Variants in ARHGDIB observed in about 807,000 individuals in gnomAD.
The protein encoded by ARHGDIB is rho GDP-dissociation inhibitor 2.
ARHGDIB carries 20 observed loss-of-function variants against 22.6 expected under a neutral mutation model. The ratio of observed to expected loss-of-function variants is 0.88; its 90% CI spans 0.62 to 1.28. ARHGDIB has a LOEUF of 1.28. Ranked by LOEUF, ARHGDIB falls within the 50% of genes most tolerant of loss-of-function variation. ARHGDIB has a pLI of 0.00. For missense variants in ARHGDIB, 254 were observed against 245.4 expected, an observed-to-expected ratio of 1.04 and a Z score of -0.23; for synonymous variants, 114 against 96.1, an observed-to-expected ratio of 1.19 and a Z score of -1.09.
intron 1 of ARHGDIB, among the ~76,000 whole-genome samples, chr12:14,958,087 A>G (rs936733678): frequency 5.9e-5 from 9 of 152,180 alleles, no homozygotes; most frequent in Non-Finnish European, 1.3e-4. Flanking sequence ...GGCCATCTCT[A>G]AAACACTGTT....
At chr12:14,959,140 C>A (rs1372646146) in intron 1 of ARHGDIB, among the ~76,000 whole-genome samples, 2 of 152,144 alleles carry the variant, frequency 1.3e-5, no homozygotes, top group African/African-American at 4.8e-5. Flanking sequence ...AATAATAGGC[C>A]ATGCATGGTG....
Position 14,950,570 on chromosome 12 carries a change from T to C in ARHGDIB, c.143A>G (p.Tyr48Cys), listed in dbSNP as rs1480554458. 1 of 1,613,824 alleles carries C rather than the reference T, an allele frequency of 6.2e-7. No individual in the cohort carries two copies. Among genetic ancestry groups the C allele is most frequent in the African/African-American group, 1.3e-5 (1 of 74,898 alleles). Residue 48 changes from tyrosine (Y) to cysteine (C), a missense_variant, in exon 2 of 6, where the codon TAC (tyrosine) becomes TGC (cysteine). Coordinates refer to ENST00000228945, the MANE Select transcript of ARHGDIB (RefSeq NM_001175.7). ...ACCATCTCCCAGCAGCGTTTTCTTG[T>C]ACTTAATTAGACTCTCATCATCTTT... Reference protein sequence around the residue: ...MDKDDESLIKYKKTLLGDGPV... With the variant: ...MDKDDESLIKCKKTLLGDGPV...
intron 1 of ARHGDIB, among the ~76,000 whole-genome samples, chr12:14,955,569 C>G (rs1220142862): frequency 6.6e-6 from 1 of 152,060 alleles, no homozygotes; most frequent in African/African-American, 2.4e-5. Context: ...TTGTGTGTGG[C>G]AAGAGCACCT....
At chr12:14,957,434 C>T (rs539651482) in intron 1 of ARHGDIB, among the ~76,000 whole-genome samples, 1 of 152,174 alleles carries the variant, frequency 6.6e-6, no homozygotes, top group Non-Finnish European at 1.5e-5. Context: ...TATGTCCCCA[C>T]TCCTTCCTCC....
chr12:14,942,857 AT>A, intron 5 of ARHGDIB, 136 bp from the exon 6 acceptor site: 1 of 751,602 alleles, frequency 1.3e-6, no homozygotes, highest in Non-Finnish European at 2.1e-6. Flanking sequence ...TAAACATTAG[AT>A]TTACCTGAGG....
intron 5 of ARHGDIB, among the ~76,000 whole-genome samples, chr12:14,943,629 G>T (rs997172097): frequency 2.0e-5 from 3 of 151,882 alleles, no homozygotes; most frequent in Non-Finnish European, 2.9e-5. Context: ...GAGAATTCAT[G>T]GATAGAATAA....
chr12:14,959,026 T>C (rs1475688026), intron 1 of ARHGDIB, among the ~76,000 whole-genome samples: 1 of 152,150 alleles, frequency 6.6e-6, no homozygotes, highest in African/African-American at 2.4e-5. Context: ...TCCTAAAGAA[T>C]GTGGGAGATC....
At chr12:14,953,271 G>T (rs1864223282) in intron 1 of ARHGDIB, among the ~76,000 whole-genome samples, 1 of 152,134 alleles carries the variant, frequency 6.6e-6, no homozygotes. Context: ...AAATCATTTG[G>T]TTTAATTATA....
chr12:14,960,575 C>A (rs1864389898), intron 1 of ARHGDIB, among the ~76,000 whole-genome samples: 1 of 152,198 alleles, frequency 6.6e-6, no homozygotes, highest in Non-Finnish European at 1.5e-5. Flanking sequence ...GTGATCTTGG[C>A]TCACTGCAAC....
chr12:14,943,338 T>A (rs1863920959), intron 5 of ARHGDIB, among the ~76,000 whole-genome samples: 1 of 151,866 alleles, frequency 6.6e-6, no homozygotes, highest in Non-Finnish European at 1.5e-5. Flanking sequence ...TGAGGTAAAG[T>A]TGGGGAACCA....
chr12:14,948,340 C>A (rs1864079599), intron 3 of ARHGDIB, among the ~76,000 whole-genome samples: 1 of 152,130 alleles, frequency 6.6e-6, no homozygotes, highest in Non-Finnish European at 1.5e-5. Context: ...CCCCTTACCC[C>A]TCAAATAAAA....
chr12:14,948,860 G>C (rs1452609944), intron 3 of ARHGDIB: 1 of 152,478 alleles, frequency 6.6e-6, no homozygotes, highest in Non-Finnish European at 1.5e-5. Flanking sequence ...CTCCTGGAGA[G>C]ATGTCAGCAT....
At chr12:14,952,251 C>G (rs1183283008) in intron 1 of ARHGDIB, among the ~76,000 whole-genome samples, 1 of 135,536 alleles carries the variant, frequency 7.4e-6, no homozygotes, top group Non-Finnish European at 1.6e-5. Flanking sequence ...GGAAGTAAAG[C>G]CAAATGAGAG....
intron 3 of ARHGDIB, among the ~76,000 whole-genome samples, chr12:14,949,297 G>A (rs1225275941): frequency 1.3e-5 from 2 of 152,134 alleles, no homozygotes; most frequent in East Asian, 1.9e-4. Context: ...TAATTTGTAC[G>A]CCTTTAGTAG....
chr12:14,951,581 C>T (rs1864177048), intron 1 of ARHGDIB, among the ~76,000 whole-genome samples: 1 of 151,882 alleles, frequency 6.6e-6, no homozygotes, highest in Non-Finnish European at 1.5e-5. Context: ...ATCCACTTCC[C>T]TTTCAGTCTC....
At position 14,944,834 on chromosome 12, in the gene ARHGDIB, G is replaced by C. The variant is rs184478048; in HGVS notation, c.348C>G (p.Asn116Lys). The C allele has an allele frequency of 5.0e-6, 8 of 1,612,900 alleles. No homozygotes were observed. In the Admixed American group the frequency reaches 1.2e-4, roughly 24 times the overall value. ...EYRVKIHFKVNRDIVSGLKYV... is the reference protein window; with the variant it reads ...EYRVKIHFKVKRDIVSGLKYV... ...ATTTCAGGCCTGACACAATATCCCTGTTCACCTGCAGGTGGGAAGGAACCA... is the reference window on the plus strand; with the variant it reads ...ATTTCAGGCCTGACACAATATCCCTCTTCACCTGCAGGTGGGAAGGAACCA... The change falls in exon 5 of 6, where the codon AAC (asparagine) becomes AAG (lysine). Residue 116 changes from asparagine to lysine, a missense_variant. By Grantham distance (94) the Asn-to-Lys change is moderately conservative. Coordinates refer to ENST00000228945, the MANE Select transcript of ARHGDIB (RefSeq NM_001175.7).
chr12:14,955,657 G>T (rs1336337279), intron 1 of ARHGDIB, among the ~76,000 whole-genome samples: 1 of 151,932 alleles, frequency 6.6e-6, no homozygotes, highest in Non-Finnish European at 1.5e-5. Flanking sequence ...GTTATTTCTG[G>T]GTAACCTCAG....
intron 4 of ARHGDIB, among the ~76,000 whole-genome samples, chr12:14,947,024 C>A (rs912418769): frequency 2.6e-5 from 4 of 151,436 alleles, no homozygotes; most frequent in Non-Finnish European, 4.4e-5. Flanking sequence ...TCCATAAACC[C>A]TGAATCATAT....
At chr12:14,946,511 T>G (rs1412368519) in intron 4 of ARHGDIB, among the ~76,000 whole-genome samples, 1 of 152,216 alleles carries the variant, frequency 6.6e-6, no homozygotes, top group East Asian at 1.9e-4. Flanking sequence ...TGTAGCACCA[T>G]GCTGGGACAA....
Sources: gnomAD v4.1 joint callset for allele counts (sites outside exome capture counted in the v4.1 genomes callset) on GRCh38, gnomAD v4.1.1 for gene constraint, MANE v1.5 for transcripts, NCBI Gene and HGNC (gene_info 2026-07-23, HGNC 2026-07-21) for gene names.